HHAT: variants seen among roughly 807,000 people sequenced by gnomAD.
The protein encoded by HHAT is protein-cysteine N-palmitoyltransferase HHAT.
A neutral mutation model predicts 70.8 loss-of-function variants in HHAT; 47 were observed. That is an observed-to-expected ratio of 0.66 (90% CI 0.53 to 0.85). The LOEUF (loss-of-function observed/expected upper bound fraction) is 0.85, where lower values mean the gene tolerates loss of function less well. HHAT is among the 40% of genes least tolerant of loss of function. The pLI, the probability that HHAT is intolerant of heterozygous loss-of-function variation, is 0.00. For missense variants in HHAT, 609 were observed against 604.8 expected (o/e 1.01, Z -0.07); for synonymous variants, 228 against 247.6 (o/e 0.92, Z 0.74).
At chr1:210,627,564 G>T in intron 11 of HHAT, among the ~76,000 whole-genome samples, 1 of 152,232 alleles carries the variant, frequency 6.6e-6, no homozygotes, top group Middle Eastern at 3.4e-3. Flanking sequence ...GCTGTCTAAA[G>T]AGTGGAAGAC....
chr1:210,426,837 A>G (rs570085886), intron 7 of HHAT, among the ~76,000 whole-genome samples: 1 of 152,282 alleles, frequency 6.6e-6, no homozygotes. Context: ...TGGCATCAGG[A>G]TGATGCTGGC....
intron 8 of HHAT, among the ~76,000 whole-genome samples, chr1:210,486,650 A>T (rs2094476604): frequency 6.6e-6 from 1 of 152,178 alleles, no homozygotes; most frequent in Non-Finnish European, 1.5e-5. Flanking sequence ...GTGGTTTATT[A>T]ATAAGGGACT....
intron 11 of HHAT, among the ~76,000 whole-genome samples, chr1:210,629,873 GTC>G (rs1670539341): frequency 6.7e-6 from 1 of 149,318 alleles, no homozygotes; most frequent in Admixed American, 6.7e-5. Context: ...TTGAGACGGA[GTC>G]TCTGTCACCC....
intron 2 of HHAT, among the ~76,000 whole-genome samples, chr1:210,359,994 TA>T (rs2088095328): frequency 1.3e-5 from 2 of 152,196 alleles, no homozygotes; most frequent in Non-Finnish European, 2.9e-5. Flanking sequence ...TCTGTCTTGG[TA>T]AATCTGCTGT....
chr1:210,582,493 T>G (rs570271685), intron 9 of HHAT, among the ~76,000 whole-genome samples: 1 of 152,252 alleles, frequency 6.6e-6, no homozygotes, highest in Admixed American at 6.5e-5. Context: ...TAGGTGATAA[T>G]GTAGCAAGCC....
Position 210,486,063 on chromosome 1 carries a change from G to C in HHAT, c.1007+21408G>C, listed in dbSNP as rs181709398. 2.8e-4 allele frequency among the ~76,000 whole-genome samples: 43 copies of C among 152,266 alleles called. No homozygotes were observed. In the East Asian group the frequency reaches 8.1e-3, roughly 29 times the overall value. On this transcript the variant is annotated intron_variant, in intron 8 of 11. Transcript: ENST00000261458. Reference sequence around the variant, plus strand: ...ATTGAGGCAGGAATTATACGTGCTTGAATTAGTATTCTCACATATTTGCCC... The same window carrying C: ...ATTGAGGCAGGAATTATACGTGCTTCAATTAGTATTCTCACATATTTGCCC...
intron 3 of HHAT, chr1:210,374,206 C>G (rs72745436): frequency 6.6e-6 from 1 of 152,082 alleles, no homozygotes; most frequent in Non-Finnish European, 1.5e-5. Context: ...TGATTTGTTT[C>G]TCTCCACGGA....
Position 210,388,429 on chromosome 1 carries a change from G to A in HHAT, c.273+848G>A, listed in dbSNP as rs369860417. Among the ~76,000 whole-genome samples, 7 of 152,300 alleles carry A rather than the reference G, an allele frequency of 4.6e-5. No individual in the cohort carries two copies. In the East Asian group the frequency reaches 9.7e-4, roughly 21 times the overall value. ...AATAGGATGTCCTGTGGTTAGAGAT[G>A]CGCACCTAACTTGGGCCAGTTTCTG... On this transcript the variant is annotated intron_variant, in intron 4 of 11. Transcript: ENST00000261458.
intron 9 of HHAT, among the ~76,000 whole-genome samples, chr1:210,525,375 G>A (rs11119526): frequency 0.68 from 102,758 of 152,058 alleles, 35,468 homozygotes; most frequent in African/African-American, 0.79. Context: ...GTCAATGTCC[G>A]AGACAACATT....
At chr1:210,399,947 C>A (rs11119482) in intron 4 of HHAT, among the ~76,000 whole-genome samples, 8 of 151,934 alleles carry the variant, frequency 5.3e-5, no homozygotes, top group African/African-American at 1.9e-4. Context: ...ATCAAAAATG[C>A]AAAAAAACCC....
At chr1:210,661,805 C>A (rs1308594164) in intron 11 of HHAT, among the ~76,000 whole-genome samples, 1 of 151,814 alleles carries the variant, frequency 6.6e-6, no homozygotes, top group African/African-American at 2.4e-5. Context: ...ACCGTAAACA[C>A]CACATGTTCT....
intron 4 of HHAT, among the ~76,000 whole-genome samples, chr1:210,389,468 C>T (rs1050720665): frequency 2.0e-4 from 31 of 152,216 alleles, no homozygotes; most frequent in Admixed American, 1.1e-3. Context: ...ATTGTAATCC[C>T]CACGTCTTGC....
intron 10 of HHAT, among the ~76,000 whole-genome samples, chr1:210,615,610 G>A (rs565038362): frequency 4.5e-4 from 69 of 152,304 alleles, no homozygotes; most frequent in Non-Finnish European, 5.7e-4. Context: ...TACAGATGGG[G>A]TTTTGGTGTG....
rs568203063 is a variant in HHAT at position 210,418,020 on chromosome 1, C to G, written c.685-134C>G. 9.8e-6 allele frequency: 8 copies of G among 820,304 alleles called. No individual in the cohort carries two copies. In the African/African-American group the frequency reaches 1.0e-4, roughly 10 times the overall value. 50.8% of individuals were successfully genotyped at this position (820,304 alleles called of 1,614,324 possible). On this transcript the variant is annotated intron_variant, in intron 6 of 11. Transcript: ENST00000261458. ...TCCAACCAAGAACATTGAGTGTTCCCAAGACAAACCAAACCAACCCTCTGT... is the reference window on the plus strand; with the variant it reads ...TCCAACCAAGAACATTGAGTGTTCCGAAGACAAACCAAACCAACCCTCTGT...
intron 8 of HHAT, among the ~76,000 whole-genome samples, chr1:210,498,123 C>T (rs2094685925): frequency 6.6e-6 from 1 of 151,962 alleles, no homozygotes; most frequent in Non-Finnish European, 1.5e-5. Flanking sequence ...ACTGTCCATC[C>T]CTGTACCTGA....
intron 9 of HHAT, among the ~76,000 whole-genome samples, chr1:210,551,475 C>T (rs1558145058): frequency 7.6e-6 from 1 of 131,792 alleles, no homozygotes; most frequent in Non-Finnish European, 1.5e-5. Flanking sequence ...GAGTAACCCC[C>T]TAGGACAGCC....
chr1:210,473,179 A>C (rs1358770847), intron 8 of HHAT, among the ~76,000 whole-genome samples: 1 of 152,146 alleles, frequency 6.6e-6, no homozygotes, highest in African/African-American at 2.4e-5. Flanking sequence ...TTTAGGGTAA[A>C]ATACTTTAAT....
At position 210,552,552 on chromosome 1, in the gene HHAT, GT is replaced by G. The variant is rs762169831; in HGVS notation, c.1044-35344del. On this transcript the variant is annotated intron_variant, in intron 9 of 11. Transcript: ENST00000261458. ...AAGGGGAAAATTGGACTGCTGGGCA[GT>G]TGTGGCAGAGGCATCACCTAGTTGG... 1.9e-4 allele frequency among the ~76,000 whole-genome samples: 29 copies of G among 152,250 alleles called. 1 individual carries two copies. Among genetic ancestry groups the G allele is most frequent in the Non-Finnish European group, 1.3e-4 (9 of 68,050 alleles).
chr1:210,482,481 A>G (rs529566549), intron 8 of HHAT, among the ~76,000 whole-genome samples: 160 of 152,346 alleles, frequency 1.1e-3, no homozygotes, highest in Non-Finnish European at 1.6e-3. Context: ...ATTAGATAGA[A>G]GAATACTCCC....
Sources: allele counts gnomAD v4.1 joint callset (sites outside exome capture counted in the v4.1 genomes callset), GRCh38; gene constraint gnomAD v4.1.1; transcripts MANE v1.5; gene names NCBI Gene and HGNC (gene_info 2026-07-23, HGNC 2026-07-21).